The following STX8 variants were observed in gnomAD, a reference collection of about 807,000 sequenced individuals.
STX8 encodes the protein syntaxin-8.
Under a neutral mutation model 37.5 loss-of-function variants are expected in STX8, and 23 were observed. The observed-to-expected ratio is 0.61, with a 90% confidence interval of 0.44 to 0.87. The LOEUF (loss-of-function observed/expected upper bound fraction) is 0.87, where lower values mean the gene tolerates loss of function less well. Ranked by LOEUF, STX8 falls within the 40% of genes least tolerant of loss-of-function variation. The pLI is 0.00. For synonymous variants in STX8, 115 were observed against 99.1 expected (o/e 1.16, Z -0.95); for missense variants, 313 against 284.7 (o/e 1.10, Z -0.71).
intron 7 of STX8, among the ~76,000 whole-genome samples, chr17:9,321,849 C>T (rs918375637): frequency 3.9e-5 from 6 of 152,082 alleles, no homozygotes; most frequent in Admixed American, 1.3e-4. Context: ...TGCAAATAAT[C>T]GCCAAAAAAC....
At chr17:9,341,775 T>C (rs937366938) in intron 7 of STX8, among the ~76,000 whole-genome samples, 3 of 152,100 alleles carry the variant, frequency 2.0e-5, no homozygotes, top group African/African-American at 4.8e-5. Context: ...AGATTTGAAG[T>C]TGAACAGCAA....
At chr17:9,404,807 T>C (rs1253792622) in intron 6 of STX8, among the ~76,000 whole-genome samples, 5 of 152,236 alleles carry the variant, frequency 3.3e-5, no homozygotes, top group African/African-American at 1.2e-4. Context: ...TTTAGCCAGT[T>C]TGTTTTCTGG....
At chr17:9,360,347 G>A (rs1911022935) in intron 7 of STX8, among the ~76,000 whole-genome samples, 1 of 145,632 alleles carries the variant, frequency 6.9e-6, no homozygotes. Flanking sequence ...CGATTCTCCT[G>A]CCTCAGCCTC....
chr17:9,525,494 C>T (rs1404351948), intron 4 of STX8, among the ~76,000 whole-genome samples: 1 of 151,938 alleles, frequency 6.6e-6, no homozygotes, highest in African/African-American at 2.4e-5. Flanking sequence ...CTACAGGCGC[C>T]CGCCACCACA....
intron 7 of STX8, among the ~76,000 whole-genome samples, chr17:9,375,058 T>C (rs892206041): frequency 7.8e-6 from 1 of 127,588 alleles, no homozygotes; most frequent in Non-Finnish European, 1.6e-5. Flanking sequence ...AGTGAGACTC[T>C]GTCTCAAAAA....
rs139336428 is a variant in STX8, at chr17:9,529,663, T to A, written c.323+15509A>T. 4.2e-3 allele frequency among the ~76,000 whole-genome samples: 644 copies of A among 152,320 alleles called. 7 individuals are homozygous for A. Among genetic ancestry groups the A allele is most frequent in the African/African-American group, 0.014 (602 of 41,570 alleles). ...GTGGCATCATATAGCATGAACTGTGTAAACTCTTCTGTCTGACATGATGTC... is the reference window on the plus strand; with the variant it reads ...GTGGCATCATATAGCATGAACTGTGAAAACTCTTCTGTCTGACATGATGTC... On this transcript the variant is annotated intron_variant, in intron 4 of 7. Coordinates refer to ENST00000306357, the MANE Select transcript of STX8 (RefSeq NM_004853.3).
chr17:9,486,481 T>C (rs1229892809), intron 6 of STX8, among the ~76,000 whole-genome samples: 1 of 152,240 alleles, frequency 6.6e-6, no homozygotes, highest in South Asian at 2.1e-4. Context: ...ATCTTTGTGA[T>C]GTGATTCTTT....
intron 4 of STX8, among the ~76,000 whole-genome samples, chr17:9,511,574 AC>A (rs1303440519): frequency 6.6e-6 from 1 of 152,168 alleles, no homozygotes; most frequent in African/African-American, 2.4e-5. Flanking sequence ...CTCTCAATAA[AC>A]TAGGTATAGA....
intron 7 of STX8, among the ~76,000 whole-genome samples, chr17:9,367,552 G>A (rs1196408471): frequency 6.6e-6 from 1 of 152,088 alleles, no homozygotes; most frequent in African/African-American, 2.4e-5. Context: ...GAGAGAAAAA[G>A]ATCCTAAATA....
chr17:9,507,922 A>G lies in STX8; in HGVS notation c.324-2760T>C, dbSNP rs1274288221. Among the ~76,000 whole-genome samples the G allele has an allele frequency of 2.0e-5, 3 of 152,164 alleles. No individual in the cohort carries two copies. Among genetic ancestry groups the G allele is most frequent in the Non-Finnish European group, 1.5e-5 (1 of 68,042 alleles). On this transcript the variant is annotated intron_variant, in intron 4 of 7. Transcript: ENST00000306357. This position sits in a 1 kb window ranked among gnomAD's most constrained non-coding sequence, Gnocchi z 4.0. ...AACACCCCAAGATCCATTCATACAA[A>G]TATTTCTTTCCCTGCAAAACCTACC... is the stretch of plus-strand genomic sequence containing the variant.
intron 7 of STX8, among the ~76,000 whole-genome samples, chr17:9,282,549 G>A (rs1907925044): frequency 6.6e-6 from 1 of 152,202 alleles, no homozygotes; most frequent in Non-Finnish European, 1.5e-5. Context: ...GGGTTCAACA[G>A]AAAGGCACGC....
At chr17:9,467,509 T>TCTTC (rs1414330159) in intron 6 of STX8, 1 of 152,174 alleles carries the variant, frequency 6.6e-6, no homozygotes, top group Non-Finnish European at 1.5e-5. Flanking sequence ...AAGACCTCTC[T>TCTTC]CTTCCCCTTA....
At chr17:9,494,915 C>T (rs941876170) in intron 5 of STX8, among the ~76,000 whole-genome samples, 2 of 151,982 alleles carry the variant, frequency 1.3e-5, no homozygotes, top group Non-Finnish European at 2.9e-5. Flanking sequence ...TTGTTCACCA[C>T]GGAACACGCC....
chr17:9,316,597 C>T (rs888918649), intron 7 of STX8, among the ~76,000 whole-genome samples: 5 of 152,190 alleles, frequency 3.3e-5, no homozygotes, highest in Non-Finnish European at 7.4e-5. Flanking sequence ...AAGCTCTGTG[C>T]CCCTACCCAT....
At chr17:9,319,322 G>A (rs185150700) in intron 7 of STX8, among the ~76,000 whole-genome samples, 1 of 152,246 alleles carries the variant, frequency 6.6e-6, no homozygotes, top group East Asian at 1.9e-4. Flanking sequence ...AGGAGGCTGA[G>A]GCAGAAGAAT....
chr17:9,483,536 T>C (rs1665523782), intron 6 of STX8, among the ~76,000 whole-genome samples: 1 of 152,236 alleles, frequency 6.6e-6, no homozygotes, highest in African/African-American at 2.4e-5. Context: ...TTATTCAGCC[T>C]ACCACGCTGT....
intron 7 of STX8, among the ~76,000 whole-genome samples, chr17:9,253,596 C>G (rs544982465): frequency 6.6e-6 from 1 of 152,158 alleles, no homozygotes; most frequent in East Asian, 1.9e-4. Flanking sequence ...AGGGCCTGGG[C>G]TCACCCTAAG....
chr17:9,378,469 G>T, intron 7 of STX8, 83 bp downstream of exon 7: 1 of 1,250,716 alleles, frequency 8.0e-7, no homozygotes. Flanking sequence ...AATCCCCACA[G>T]TAATTAGACA....
At chr17:9,465,639 C>T (rs138721330) in intron 6 of STX8, among the ~76,000 whole-genome samples, 3 of 152,292 alleles carry the variant, frequency 2.0e-5, no homozygotes, top group Admixed American at 1.3e-4. Context: ...AACATTTCTT[C>T]AAGCAGCACG....
Sources: gnomAD v4.1 joint callset for allele counts (sites outside exome capture counted in the v4.1 genomes callset) on GRCh38, gnomAD v4.1.1 for gene constraint, Gnocchi (gnomAD v3.1) non-coding constraint, MANE v1.5 for transcripts, NCBI Gene and HGNC (gene_info 2026-07-23, HGNC 2026-07-21) for gene names.